GPC6: variants seen among roughly 807,000 people sequenced by gnomAD.
GPC6 encodes glypican 6.
Under a neutral mutation model 55.2 loss-of-function variants are expected in GPC6, and 14 were observed. The ratio of observed to expected loss-of-function variants is 0.25; its 90% CI spans 0.17 to 0.40. The LOEUF is 0.40. Among genes scored for constraint, GPC6 ranks in the 10% least tolerant of loss-of-function variants. The pLI, the probability that GPC6 is intolerant of heterozygous loss-of-function variation, is 1.00. For missense variants in GPC6, 641 were observed against 708.5 expected (o/e 0.90, Z 1.08); for synonymous variants, 278 against 259.6 (o/e 1.07, Z -0.68).
intron 1 of GPC6, among the ~76,000 whole-genome samples, chr13:93,447,149 CTGTCAT>C (rs1878038747): frequency 6.6e-6 from 1 of 152,114 alleles, no homozygotes; most frequent in East Asian, 1.9e-4. Flanking sequence ...TTGATTCTAG[CTGTCAT>C]TGTCATTAAC....
chr13:93,426,829 G>C (rs1246720195), intron 1 of GPC6, among the ~76,000 whole-genome samples: 1 of 149,752 alleles, frequency 6.7e-6, no homozygotes, highest in African/African-American at 2.5e-5. Context: ...TTCCACAATG[G>C]TTGAACTAGT....
chr13:93,747,939 C>G (rs1436266740), intron 2 of GPC6, among the ~76,000 whole-genome samples: 1 of 152,152 alleles, frequency 6.6e-6, no homozygotes, highest in East Asian at 1.9e-4. Flanking sequence ...TTATTCACAT[C>G]TGTATTCACA....
chr13:93,469,215 T>C (rs567781076), intron 1 of GPC6, among the ~76,000 whole-genome samples: 29 of 152,336 alleles, frequency 1.9e-4, no homozygotes, highest in African/African-American at 7.0e-4. Flanking sequence ...GAATGAATTA[T>C]TGAAATTCAA....
At chr13:93,484,307 A>G (rs1202499543) in intron 1 of GPC6, among the ~76,000 whole-genome samples, 2 of 152,150 alleles carry the variant, frequency 1.3e-5, no homozygotes, top group Non-Finnish European at 2.9e-5. Flanking sequence ...CCAAGAATCT[A>G]TAATTAATTG....
intron 3 of GPC6, among the ~76,000 whole-genome samples, chr13:93,924,221 T>G (rs1877728240): frequency 6.6e-6 from 1 of 152,240 alleles, no homozygotes; most frequent in Admixed American, 6.5e-5. Context: ...GGCTCTCCTT[T>G]GTATTCTGAG....
chr13:93,427,448 A>G (rs1877183867), intron 1 of GPC6, among the ~76,000 whole-genome samples: 1 of 151,756 alleles, frequency 6.6e-6, no homozygotes, highest in South Asian at 2.1e-4. Context: ...ATAACGCCAC[A>G]TATCTACAAC....
chr13:94,155,370 G>A (rs1229674784), intron 4 of GPC6, among the ~76,000 whole-genome samples: 1 of 152,088 alleles, frequency 6.6e-6, no homozygotes, highest in African/African-American at 2.4e-5. Context: ...CATGCTGCAG[G>A]TTTTACCATG....
At chr13:93,561,259 A>G (rs1366882707) in intron 2 of GPC6, among the ~76,000 whole-genome samples, 1 of 151,880 alleles carries the variant, frequency 6.6e-6, no homozygotes, top group Non-Finnish European at 1.5e-5. Flanking sequence ...AGACTAATTA[A>G]TTTCTTTCAC....
At chr13:93,563,254 C>T (rs535001764) in intron 2 of GPC6, among the ~76,000 whole-genome samples, 2 of 152,138 alleles carry the variant, frequency 1.3e-5, no homozygotes, top group African/African-American at 4.8e-5. Flanking sequence ...TCAAGATAGA[C>T]CTAGTTATAG....
intron 2 of GPC6, among the ~76,000 whole-genome samples, chr13:93,686,769 G>A (rs867200066): frequency 2.0e-5 from 3 of 152,132 alleles, no homozygotes; most frequent in Admixed American, 6.6e-5. Context: ...AATATAGAGA[G>A]TTTACAGAGT....
chr13:93,506,071 T>A (rs969397148), intron 1 of GPC6, among the ~76,000 whole-genome samples: 2 of 152,182 alleles, frequency 1.3e-5, no homozygotes, highest in Non-Finnish European at 2.9e-5. Flanking sequence ...CCACTAGGCT[T>A]TGTTTGCTGT....
rs114115528 is a variant in GPC6, at chr13:93,876,324, C to T, written c.711+45779C>T. On this transcript the variant is annotated intron_variant, in intron 3 of 8. Transcript: ENST00000377047. Reference sequence around the variant, plus strand: ...ATATCTGAACTTAGGGAAAAAAAAACCTAACTTTTGTCTTGAGCAACTCTA... The same window carrying T: ...ATATCTGAACTTAGGGAAAAAAAAATCTAACTTTTGTCTTGAGCAACTCTA... 9.7e-3 allele frequency among the ~76,000 whole-genome samples: 1,468 copies of T among 151,596 alleles called. 21 individuals are homozygous for T. The highest frequency in any genetic ancestry group is 0.033 in the African/African-American group (1,370 of 41,366).
intron 3 of GPC6, among the ~76,000 whole-genome samples, chr13:93,977,101 C>T (rs960292210): frequency 6.6e-6 from 1 of 152,096 alleles, no homozygotes; most frequent in Non-Finnish European, 1.5e-5. Flanking sequence ...TTCAATAGAG[C>T]TAAGTGCATG....
chr13:93,880,954 A>G (rs761832782), intron 3 of GPC6, among the ~76,000 whole-genome samples: 16 of 152,052 alleles, frequency 1.1e-4, no homozygotes, highest in South Asian at 2.1e-4. Flanking sequence ...AATTTCAAAA[A>G]GGAAGAGGTC....
At chr13:93,373,365 T>G (rs952407064) in intron 1 of GPC6, among the ~76,000 whole-genome samples, 2 of 152,190 alleles carry the variant, frequency 1.3e-5, no homozygotes, top group Non-Finnish European at 2.9e-5. Context: ...CTTCCAGAAT[T>G]AATAGCTTCC....
intron 1 of GPC6, among the ~76,000 whole-genome samples, chr13:93,525,112 C>T (rs1249275787): frequency 6.6e-6 from 1 of 152,048 alleles, no homozygotes; most frequent in Admixed American, 6.6e-5. Flanking sequence ...TTCCACCACT[C>T]CTTGTACATA....
chr13:94,240,098 T>C (rs1891008155), intron 4 of GPC6, among the ~76,000 whole-genome samples: 1 of 152,052 alleles, frequency 6.6e-6, no homozygotes, highest in Admixed American at 6.6e-5. Context: ...TTTTGTAAAC[T>C]GAAGTAGGAT....
intron 3 of GPC6, among the ~76,000 whole-genome samples, chr13:93,924,696 C>CTTTTTTTTT (rs10710851): frequency 2.3e-5 from 3 of 128,568 alleles, no homozygotes; most frequent in Non-Finnish European, 3.4e-5. Context: ...TCTTTCTTTT[C>CTTTTTTTTT]TTTTTTTTTT....
chr13:93,994,258 G>C (rs1057070095), intron 3 of GPC6, among the ~76,000 whole-genome samples: 5 of 152,044 alleles, frequency 3.3e-5, no homozygotes, highest in African/African-American at 1.2e-4. Context: ...TTCTTGGTAA[G>C]GTTTATTGCT....
Sources: gnomAD v4.1 joint callset for allele counts (sites outside exome capture counted in the v4.1 genomes callset) on GRCh38, gnomAD v4.1.1 for gene constraint, MANE v1.5 for transcripts, NCBI Gene and HGNC (gene_info 2026-07-23, HGNC 2026-07-21) for gene names.